OR2L3: variants seen among roughly 807,000 people sequenced by gnomAD.
OR2L3 encodes olfactory receptor 2L3.
For synonymous variants in OR2L3, 131 were observed against 139.1 expected (o/e 0.94, Z 0.41); for missense variants, 369 against 376.6 (o/e 0.98, Z 0.17).
chr1:248,059,771 G>A (rs80170865), intron 1 of OR2L3, among the ~76,000 whole-genome samples: 2,156 of 152,170 alleles, frequency 0.014, 62 homozygotes, highest in African/African-American at 0.048. Flanking sequence ...TGGGTTGGGT[G>A]GGGAAGCTCA....
At chr1:248,055,989 T>A (rs1663420877) in intron 1 of OR2L3, 1 of 152,214 alleles carries the variant, frequency 6.6e-6, no homozygotes, top group South Asian at 2.1e-4. Flanking sequence ...TCTTCCTGGT[T>A]CAGTGTTGGG....
In OR2L3 at chr1:248,050,137, C is replaced by T. The variant is rs139017445; in HGVS notation, c.-22+3257C>T. ...CCTCCCTCCTGCCTTTCACATGAGA[C>T]GTAGTTCAGGTTTCAGGTTTGTGGG... On this transcript the variant is annotated intron_variant, in intron 1 of 1. Coordinates refer to ENST00000359959, the MANE Select transcript of OR2L3 (RefSeq NM_001004687.2). Among the ~76,000 whole-genome samples, 1,032 of 152,128 alleles carry T rather than the reference C, an allele frequency of 6.8e-3. 6 individuals carry two copies. The highest frequency in any genetic ancestry group is 9.5e-3 in the African/African-American group (394 of 41,498).
intron 1 of OR2L3, among the ~76,000 whole-genome samples, chr1:248,056,844 T>A (rs1391913557): frequency 6.6e-6 from 1 of 151,984 alleles, no homozygotes; most frequent in Non-Finnish European, 1.5e-5. Flanking sequence ...GACACAGGGT[T>A]TCACTGTGTT....
At position 248,061,622 on chromosome 1, in the gene OR2L3, A is replaced by T; in HGVS notation, c.*2A>T. On this transcript the variant is annotated 3_prime_UTR_variant, in exon 2 of 2. Transcript: ENST00000359959. ...AGAATCTGCTCTGGGAAAATGTAGAAACATTTTCTACCTAAGGTCTCAGGA... is the reference window on the plus strand; with the variant it reads ...AGAATCTGCTCTGGGAAAATGTAGATACATTTTCTACCTAAGGTCTCAGGA... 1 of 1,608,126 alleles carries T rather than the reference A, an allele frequency of 6.2e-7. No homozygotes were observed.
At chr1:248,058,455 G>C (rs528554980) in intron 1 of OR2L3, among the ~76,000 whole-genome samples, 257 of 152,112 alleles carry the variant, frequency 1.7e-3, no homozygotes, top group African/African-American at 6.0e-3. Context: ...TCTGCACCAA[G>C]GGGTTGACAA....
rs547760463 is a variant in OR2L3 at position 248,063,218 on chromosome 1, T to C, written c.*1598T>C. 1 of 152,370 alleles carries C rather than the reference T, an allele frequency of 6.6e-6. No individual in the cohort carries two copies. Among genetic ancestry groups the C allele is most frequent in the African/African-American group, 2.4e-5 (1 of 41,590 alleles). 9.4% of individuals were successfully genotyped at this position (152,370 alleles called of 1,614,324 possible). A position where few individuals can be genotyped will look rare whatever the true frequency, so the allele number is the denominator to read the frequency against. On this transcript the variant is annotated 3_prime_UTR_variant, in exon 2 of 2. Coordinates refer to ENST00000359959, the MANE Select transcript of OR2L3 (RefSeq NM_001004687.2). Reference sequence around the variant, plus strand: ...TATTAATTCTTCCAATCCATGAGCATTGGATTTCTTTCCATTCATTTGTAT... The same window carrying C: ...TATTAATTCTTCCAATCCATGAGCACTGGATTTCTTTCCATTCATTTGTAT...
At chr1:248,048,923 C>CTTTTT (rs140115140) in intron 1 of OR2L3, among the ~76,000 whole-genome samples, 38 of 141,710 alleles carry the variant, frequency 2.7e-4, no homozygotes, top group African/African-American at 8.5e-4. Context: ...TTCTCTCTCT[C>CTTTTT]TTTTTTTTTT....
chr1:248,060,647 G>C lies in OR2L3; in HGVS notation c.-21-14G>C. ...GAATTTCTGTGCTTAACTTACCCTT[G>C]TGTCTCCCTTCAGGAAAGAGCACAC... On this transcript the variant is annotated splice_polypyrimidine_tract_variant and intron_variant, in intron 1 of 1. Coordinates refer to ENST00000359959, the MANE Select transcript of OR2L3 (RefSeq NM_001004687.2). 1.3e-6 allele frequency: 2 copies of C among 1,537,412 alleles called. No homozygotes were observed. The highest frequency in any genetic ancestry group is 2.4e-5 in the South Asian group (2 of 83,882).
chr1:248,048,261 T>C (rs1286407921), intron 1 of OR2L3, among the ~76,000 whole-genome samples: 4 of 152,232 alleles, frequency 2.6e-5, no homozygotes, highest in African/African-American at 7.2e-5. Context: ...TTATATTCTT[T>C]ACTCCTTTAC....
chr1:248,062,129 A>G lies in OR2L3; in HGVS notation c.*509A>G, dbSNP rs1183184977. On this transcript the variant is annotated 3_prime_UTR_variant, in exon 2 of 2. Coordinates refer to ENST00000359959, the MANE Select transcript of OR2L3 (RefSeq NM_001004687.2). The stretch of plus-strand genomic sequence containing the variant: ...TCTTTCAATTTAGGGAACTCATTAC[A>G]CAGTTTAGCAGAGAGCTCATCAGGG... 1 of 156,164 alleles carries G rather than the reference A, an allele frequency of 6.4e-6. No homozygotes were observed. Among genetic ancestry groups the G allele is most frequent in the East Asian group, 1.9e-4 (1 of 5,254 alleles). The allele number at this position is 156,164 out of a possible 1,614,324, so 9.7% of individuals were successfully genotyped here.
At chr1:248,055,594 A>G (rs907634975) in intron 1 of OR2L3, among the ~76,000 whole-genome samples, 1 of 152,244 alleles carries the variant, frequency 6.6e-6, no homozygotes, top group South Asian at 2.1e-4. Flanking sequence ...TATCTCTACT[A>G]AAAATACAAA....
At chr1:248,055,553 C>T (rs1046939018) in intron 1 of OR2L3, among the ~76,000 whole-genome samples, 3 of 152,092 alleles carry the variant, frequency 2.0e-5, no homozygotes, top group Admixed American at 2.0e-4. Context: ...GTCTGGAGTT[C>T]GAGACCAGCC....
Position 248,060,797 on chromosome 1 carries a change from T to C in OR2L3, c.116T>C (p.Ile39Thr), listed in dbSNP as rs6666048. Residue 39 changes from isoleucine (I) to threonine (T), a missense_variant, in exon 2 of 2, where the codon ATT becomes ACT. Transcript: ENST00000359959. ...GTTTTCATTTTCCTAATGGCTCTAA[T>C]TGGAAACCTATCCATGATTCTTCTC... The part of the protein sequence containing the change: ...LIVFIFLMAL[I>T]GNLSMILLIF... 241,813 of 1,613,898 alleles carry C rather than the reference T, an allele frequency of 0.15. 19,769 individuals are homozygous for C. Among genetic ancestry groups the C allele is most frequent in the East Asian group, 0.3 (13,239 of 44,870 alleles).
chr1:248,061,220 T>C lies in OR2L3; in HGVS notation c.539T>C (p.Val180Ala). ...SRAINHFFCD[V>A]PAMVTLACMD... The stretch of plus-strand genomic sequence containing the variant: ...GCCATCAATCATTTCTTCTGTGATG[T>C]CCCAGCAATGGTGACTCTGGCCTGC... Residue 180 changes from valine (V) to alanine (A), a missense_variant, in exon 2 of 2, where the codon GTC becomes GCC. Physicochemically the swap from Val to Ala is moderately conservative, Grantham distance 64. Transcript: ENST00000359959. 6.2e-7 allele frequency: 1 copy of C among 1,611,702 alleles called. No individual in the cohort carries two copies. Among genetic ancestry groups the C allele is most frequent in the Admixed American group, 1.7e-5 (1 of 59,880 alleles).
intron 1 of OR2L3, among the ~76,000 whole-genome samples, chr1:248,051,989 A>T (rs564302053): frequency 2.1e-4 from 32 of 152,286 alleles, no homozygotes; most frequent in Admixed American, 2.1e-3. Flanking sequence ...GCAATTTTTG[A>T]CATTATGATG....
chr1:248,062,497 A>G lies in OR2L3; in HGVS notation c.*877A>G, dbSNP rs779522029. 1 of 152,170 alleles carries G rather than the reference A, an allele frequency of 6.6e-6. No individual in the cohort carries two copies. The highest frequency in any genetic ancestry group is 1.5e-5 in the Non-Finnish European group (1 of 68,034). The allele number at this position is 152,170 out of a possible 1,614,324, so 9.4% of individuals were successfully genotyped here. The stretch of plus-strand genomic sequence containing the variant: ...AAAGGTTTTGCTTGTTCTCACTCCT[A>G]TGCGAGAGCTAGAATTTTTAAAAAC... On this transcript the variant is annotated 3_prime_UTR_variant, in exon 2 of 2. Coordinates refer to ENST00000359959, the MANE Select transcript of OR2L3 (RefSeq NM_001004687.2).
intron 1 of OR2L3, among the ~76,000 whole-genome samples, chr1:248,054,834 C>A (rs773623743): frequency 8.5e-5 from 13 of 152,104 alleles, no homozygotes; most frequent in Non-Finnish European, 1.5e-4. Context: ...GCTTAAGAAG[C>A]CTTTGGGCTG....
chr1:248,058,467 A>G (rs1444503467), intron 1 of OR2L3, among the ~76,000 whole-genome samples: 3 of 152,134 alleles, frequency 2.0e-5, no homozygotes, highest in African/African-American at 7.2e-5. Flanking sequence ...GGTTGACAAC[A>G]TCATTTCATC....
Position 248,061,868 on chromosome 1 carries a change from T to G in OR2L3, c.*248T>G, listed in dbSNP as rs1433670364. 6.1e-6 allele frequency: 2 copies of G among 325,868 alleles called. No individual in the cohort carries two copies. The highest frequency in any genetic ancestry group is 4.3e-5 in the Admixed American group (1 of 23,196). 20.2% of individuals were successfully genotyped at this position (325,868 alleles called of 1,614,324 possible). On this transcript the variant is annotated 3_prime_UTR_variant, in exon 2 of 2. Transcript: ENST00000359959. ...CCTACTTTTACTAATATGTTGTCAA[T>G]GAGAATTTTTGTTTTTGGTCATGCA...
Sources: allele counts gnomAD v4.1 joint callset (sites outside exome capture counted in the v4.1 genomes callset), GRCh38; gene constraint gnomAD v4.1.1; transcripts MANE v1.5; gene names NCBI Gene and HGNC (gene_info 2026-07-23, HGNC 2026-07-21).